The following RBFOX1 variants were observed in gnomAD, a reference collection of about 807,000 sequenced individuals.
The protein encoded by RBFOX1 is RNA binding fox-1 homolog 1, also known as RNA binding protein fox-1 homolog 1.
Under a neutral mutation model 57.7 loss-of-function variants are expected in RBFOX1, and 8 were observed. The observed-to-expected ratio is 0.14, with a 90% CI of 0.08 to 0.25. The LOEUF (loss-of-function observed/expected upper bound fraction) is 0.25, where lower values mean the gene tolerates loss of function less well. RBFOX1 is among the 10% of genes least tolerant of loss of function. The probability of loss-of-function intolerance (pLI) is 1.00; values close to 1 mark genes in which losing one functional copy is unlikely to be tolerated. For synonymous variants in RBFOX1, 326 were observed against 222.4 expected, an observed-to-expected ratio of 1.47 and a Z score of -4.15; for missense variants, 611 against 548.5, an observed-to-expected ratio of 1.11 and a Z score of -1.14.
intron 4 of RBFOX1, among the ~76,000 whole-genome samples, chr16:7,298,944 C>G (rs766385036): frequency 6.6e-6 from 1 of 152,176 alleles, no homozygotes; most frequent in Non-Finnish European, 1.5e-5. Flanking sequence ...TAGTTCAAAT[C>G]TGTGTTGTTC....
At chr16:6,373,849 C>T (rs2090822002) in intron 2 of RBFOX1, among the ~76,000 whole-genome samples, 1 of 152,078 alleles carries the variant, frequency 6.6e-6, no homozygotes. Flanking sequence ...CTTCTGTACT[C>T]ATTGCATTCA....
chr16:5,580,774 G>A (rs1215760493), intron 2 of RBFOX1, among the ~76,000 whole-genome samples: 1 of 152,196 alleles, frequency 6.6e-6, no homozygotes, highest in Non-Finnish European at 1.5e-5. Flanking sequence ...AAACTGGTGG[G>A]ATTCCAGCGA....
chr16:7,711,404 C>G lies in RBFOX1; in HGVS notation c.*659C>G, dbSNP rs1280422327. On this transcript the variant is annotated 3_prime_UTR_variant, in exon 16 of 16. Transcript: ENST00000550418. ...AAGCTGTGCAAACCCACCCTTTAAACCATTCCACCCGGCAGTATTCAGCTT... is the reference window on the plus strand; with the variant it reads ...AAGCTGTGCAAACCCACCCTTTAAAGCATTCCACCCGGCAGTATTCAGCTT... 6.6e-6 allele frequency: 1 copy of G among 152,462 alleles called. No homozygotes were observed. The highest frequency in any genetic ancestry group is 1.5e-5 in the Non-Finnish European group (1 of 68,006). The allele number at this position is 152,462 out of a possible 1,614,324, so 9.4% of individuals were successfully genotyped here.
At chr16:6,246,881 C>A (rs2097572139) in intron 1 of RBFOX1, among the ~76,000 whole-genome samples, 2 of 152,226 alleles carry the variant, frequency 1.3e-5, no homozygotes, top group South Asian at 4.2e-4. Flanking sequence ...CCAGCCTGGC[C>A]AACATGGTGA....
At chr16:5,529,347 T>G (rs188308550) in intron 2 of RBFOX1, among the ~76,000 whole-genome samples, 1 of 151,774 alleles carries the variant, frequency 6.6e-6, no homozygotes, top group Admixed American at 6.6e-5. Context: ...TAAGATGATG[T>G]CATACTGGAG....
At chr16:7,539,187 T>G (rs8060394) in intron 5 of RBFOX1, among the ~76,000 whole-genome samples, 1 of 151,878 alleles carries the variant, frequency 6.6e-6, no homozygotes, top group Non-Finnish European at 1.5e-5. Flanking sequence ...ACCATGATAC[T>G]TTTTGAAGAA....
chr16:5,451,585 A>T (rs1446149585), intron 1 of RBFOX1, among the ~76,000 whole-genome samples: 1 of 152,202 alleles, frequency 6.6e-6, no homozygotes, highest in Non-Finnish European at 1.5e-5. Context: ...CTTTAGAAAG[A>T]GCAGATAGAA....
intron 1 of RBFOX1, among the ~76,000 whole-genome samples, chr16:6,303,334 A>C (rs2079046873): frequency 6.7e-6 from 1 of 148,222 alleles, no homozygotes. Context: ...TATTAAATAG[A>C]TTTTTTTTTT....
rs538918972 is a variant in RBFOX1, at chr16:5,560,437, C to G, written c.259-38465C>G. 5.9e-4 allele frequency among the ~76,000 whole-genome samples: 90 copies of G among 152,246 alleles called. No individual in the cohort carries two copies. In the South Asian group the frequency reaches 9.5e-3, roughly 16 times the overall value. On this transcript the variant is annotated intron_variant, in intron 2 of 2. Transcript: ENST00000585867. ...AAGTTTGAGATGGCTTCTCCCCGCA[C>G]TCCGGTGTTATTACACTGCACTGCA...
chr16:6,166,888 C>G (rs2096921833), intron 1 of RBFOX1, among the ~76,000 whole-genome samples: 1 of 152,174 alleles, frequency 6.6e-6, no homozygotes, highest in Admixed American at 6.5e-5. Flanking sequence ...ATTCTTCCGC[C>G]TCAGCCTCCC....
chr16:6,485,223 C>G (rs1012933647), intron 2 of RBFOX1, among the ~76,000 whole-genome samples: 2 of 152,128 alleles, frequency 1.3e-5, no homozygotes, highest in Admixed American at 6.5e-5. Flanking sequence ...CTTATCTGCC[C>G]ACACGCTTCC....
chr16:5,280,663 G>A, intron 1 of RBFOX1, among the ~76,000 whole-genome samples: 1 of 152,168 alleles, frequency 6.6e-6, no homozygotes, highest in Admixed American at 6.5e-5. Context: ...AATCTTGGTA[G>A]GCTGTGTATG....
At chr16:6,890,682 C>T (rs921443799) in intron 3 of RBFOX1, among the ~76,000 whole-genome samples, 1 of 152,166 alleles carries the variant, frequency 6.6e-6, no homozygotes, top group Admixed American at 6.5e-5. Context: ...TGTCTGTCCC[C>T]AGTTTCCTGG....
chr16:7,041,151 G>C (rs1311261511), intron 3 of RBFOX1, among the ~76,000 whole-genome samples: 2 of 144,846 alleles, frequency 1.4e-5, no homozygotes, highest in Admixed American at 7.1e-5. Flanking sequence ...GGTCAGGCTG[G>C]TGTCGAACAT....
intron 2 of RBFOX1, among the ~76,000 whole-genome samples, chr16:6,337,669 G>T (rs1245580512): frequency 6.6e-6 from 1 of 152,174 alleles, no homozygotes; most frequent in Admixed American, 6.5e-5. Flanking sequence ...CTCTCTAATT[G>T]ATACGTGTCT....
At chr16:6,316,934 G>A (rs1183024542) in intron 1 of RBFOX1, 61 bp from the exon 2 acceptor site, 7 of 1,437,514 alleles carry the variant, frequency 4.9e-6, no homozygotes, top group African/African-American at 2.8e-5. Context: ...CAAAAAAAGT[G>A]CGGACAAAAT....
At chr16:6,075,700 C>G (rs1168068556) in intron 1 of RBFOX1, among the ~76,000 whole-genome samples, 1 of 152,176 alleles carries the variant, frequency 6.6e-6, no homozygotes, top group Non-Finnish European at 1.5e-5. Flanking sequence ...GTTGCTATTT[C>G]AAATGTAGTT....
At chr16:6,746,506 A>T (rs113824725) in intron 3 of RBFOX1, among the ~76,000 whole-genome samples, 12 of 152,094 alleles carry the variant, frequency 7.9e-5, no homozygotes, top group African/African-American at 2.9e-4. Context: ...GCAAAGCCTC[A>T]TCTCAACAAA....
At chr16:5,655,523 G>C (rs902041170) in intron 3 of RBFOX1, among the ~76,000 whole-genome samples, 1 of 152,198 alleles carries the variant, frequency 6.6e-6, no homozygotes, top group Non-Finnish European at 1.5e-5. Context: ...GATGAATGGT[G>C]CTTTAAATTC....
Sources: allele counts gnomAD v4.1 joint callset (sites outside exome capture counted in the v4.1 genomes callset), GRCh38; gene constraint gnomAD v4.1.1; transcripts MANE v1.5; gene names NCBI Gene and HGNC (gene_info 2026-07-23, HGNC 2026-07-21).